Variants in FAM110B observed in about 807,000 individuals in gnomAD.
FAM110B encodes the protein family with sequence similarity 110 member B, also known as protein FAM110B.
In FAM110B, 6 loss-of-function variants were observed where a neutral mutation model predicts 20.4. The ratio of observed to expected loss-of-function variants is 0.29; its 90% CI spans 0.16 to 0.58. The LOEUF (loss-of-function observed/expected upper bound fraction) is 0.58. Among genes scored for constraint, FAM110B ranks in the 20% least tolerant of loss-of-function variants. The pLI is 0.90. For synonymous variants in FAM110B, 226 were observed against 214.1 expected (o/e 1.06, Z -0.49); for missense variants, 434 against 498.2 (o/e 0.87, Z 1.23).
In FAM110B at chr8:58,031,386, T is replaced by C. The variant is rs552105028; in HGVS notation, c.-511-220T>C. 6 of 152,322 alleles carry C rather than the reference T, an allele frequency of 3.9e-5. No homozygotes were observed. In the South Asian group the frequency reaches 1.0e-3, roughly 26 times the overall value. 9.4% of individuals were successfully genotyped at this position (152,322 alleles called of 1,614,324 possible). ...AGGCTCTCATTTAGTTTGTTTTCCA[T>C]TGAATACATGAAGTTGGCCTCATAC... On this transcript the variant is annotated intron_variant, in intron 1 of 3. Coordinates refer to ENST00000519262, the MANE Select transcript of FAM110B (RefSeq NM_001377989.1).
chr8:58,138,803 T>A (rs1426333813), intron 3 of FAM110B, among the ~76,000 whole-genome samples: 1 of 152,258 alleles, frequency 6.6e-6, no homozygotes, highest in Non-Finnish European at 1.5e-5. Flanking sequence ...TCAACACGCC[T>A]GTGTGAGTTT....
At chr8:58,125,774 G>C (rs1807485606) in intron 3 of FAM110B, among the ~76,000 whole-genome samples, 4 of 152,060 alleles carry the variant, frequency 2.6e-5, no homozygotes, top group Admixed American at 2.6e-4. Context: ...AATCATGATT[G>C]TTCCTTTATT....
At chr8:58,054,137 C>CTATT (rs560275052) in intron 2 of FAM110B, among the ~76,000 whole-genome samples, 196 of 152,274 alleles carry the variant, frequency 1.3e-3, no homozygotes, top group African/African-American at 4.1e-3. Flanking sequence ...AGATGACAGT[C>CTATT]TACACATCCA....
rs192825961 is a variant in FAM110B, at chr8:58,076,554, C to T, written c.-325+931C>T. The stretch of plus-strand genomic sequence containing the variant: ...GATGGAGAGCCTGGGAACATTTTTT[C>T]CAGGTCTCTTCCTACAGCCAGACCA... On this transcript the variant is annotated intron_variant, in intron 3 of 3. Transcript: ENST00000519262. Among the ~76,000 whole-genome samples, 427 of 152,282 alleles carry T rather than the reference C, an allele frequency of 2.8e-3. 1 individual carries two copies. The highest frequency in any genetic ancestry group is 9.7e-3 in the African/African-American group (403 of 41,558).
rs1195016492 is a variant in FAM110B, at chr8:58,055,800, TG to T, written c.-413-19734del. Among the ~76,000 whole-genome samples, 44 of 152,386 alleles carry T rather than the reference TG, an allele frequency of 2.9e-4. No homozygotes were observed. The East Asian group carries it at 4.2e-3, about 15-fold the overall frequency. On this transcript the variant is annotated intron_variant, in intron 2 of 3. Transcript: ENST00000519262. Reference sequence around the variant, plus strand: ...TGATCAGCATTGACACCTGTTCATGTGCTCTATGCAAGAAAGGATAAACACC... The same window carrying T: ...TGATCAGCATTGACACCTGTTCATGTCTCTATGCAAGAAAGGATAAACACC...
chr8:58,069,388 T>C (rs1805840834), intron 2 of FAM110B, among the ~76,000 whole-genome samples: 1 of 152,192 alleles, frequency 6.6e-6, no homozygotes, highest in South Asian at 2.1e-4. Context: ...GAAATGCAGT[T>C]ACTTGCCCAG....
At chr8:58,135,453 C>T (rs1803587919) in intron 3 of FAM110B, among the ~76,000 whole-genome samples, 1 of 152,184 alleles carries the variant, frequency 6.6e-6, no homozygotes, top group African/African-American at 2.4e-5. Context: ...ACCCAAAATA[C>T]TGCTTTTTCT....
At chr8:57,998,120 A>G (rs865924705) in intron 1 of FAM110B, among the ~76,000 whole-genome samples, 3 of 152,200 alleles carry the variant, frequency 2.0e-5, no homozygotes, top group Middle Eastern at 3.2e-3. Flanking sequence ...TTTGTGGTTA[A>G]CATTTGATTA....
chr8:58,047,964 C>G (rs1258970236), intron 2 of FAM110B, among the ~76,000 whole-genome samples: 1 of 152,048 alleles, frequency 6.6e-6, no homozygotes, highest in Non-Finnish European at 1.5e-5. Context: ...TCAACTTCTC[C>G]AGAAGAGTTA....
chr8:58,081,066 C>G (rs1195470736), intron 3 of FAM110B, among the ~76,000 whole-genome samples: 1 of 152,212 alleles, frequency 6.6e-6, no homozygotes, highest in Non-Finnish European at 1.5e-5. Context: ...TTGAGCCCTG[C>G]TGACTCCTCC....
intron 2 of FAM110B, among the ~76,000 whole-genome samples, chr8:58,075,273 T>TGTGTGTGTGTGTG (rs58047108): frequency 7.6e-5 from 11 of 145,066 alleles, no homozygotes; most frequent in African/African-American, 2.8e-4. Context: ...TTTTTTTTTT[T>TGTGTGTGTGTGTG]TTTGTGTGTG....
chr8:58,144,241 A>T (rs1803806103), intron 3 of FAM110B, among the ~76,000 whole-genome samples: 1 of 152,110 alleles, frequency 6.6e-6, no homozygotes, highest in African/African-American at 2.4e-5. Flanking sequence ...ATGACCTCGG[A>T]GTTGCATCCT....
chr8:58,048,394 A>T (rs1805373456), intron 2 of FAM110B, among the ~76,000 whole-genome samples: 1 of 151,898 alleles, frequency 6.6e-6, no homozygotes, highest in African/African-American at 2.4e-5. Flanking sequence ...CTGTGGGGGA[A>T]TTTCCCATTA....
chr8:58,014,661 T>G (rs1804603227), intron 1 of FAM110B, among the ~76,000 whole-genome samples: 1 of 152,224 alleles, frequency 6.6e-6, no homozygotes, highest in African/African-American at 2.4e-5. Flanking sequence ...AACTTCTGTT[T>G]AATAAGTCAC....
intron 3 of FAM110B, among the ~76,000 whole-genome samples, chr8:58,076,569 C>T (rs1313961636): frequency 1.3e-5 from 2 of 152,182 alleles, no homozygotes; most frequent in Non-Finnish European, 2.9e-5. Context: ...TCTCTTCCTA[C>T]AGCCAGACCA....
chr8:58,100,191 C>T (rs986883558), intron 3 of FAM110B, among the ~76,000 whole-genome samples: 2 of 151,196 alleles, frequency 1.3e-5, no homozygotes. Flanking sequence ...ATATATTTCA[C>T]AAACTACTAA....
intron 1 of FAM110B, among the ~76,000 whole-genome samples, chr8:57,996,432 G>A (rs951241848): frequency 6.6e-6 from 1 of 152,144 alleles, no homozygotes; most frequent in African/African-American, 2.4e-5. Context: ...TTTTAAGTCT[G>A]TGGTTTTAAT....
chr8:58,089,812 A>T (rs186745391), intron 3 of FAM110B, among the ~76,000 whole-genome samples: 95 of 152,384 alleles, frequency 6.2e-4, no homozygotes, highest in African/African-American at 2.2e-3. Context: ...GTAAAATGGC[A>T]TCAAAACTAT....
chr8:58,146,968 A>G lies in FAM110B; in HGVS notation c.738A>G (p.Pro246=). Residue 246 remains proline, a synonymous_variant, in exon 4 of 4, where the codon CCA becomes CCG. Transcript: ENST00000519262. ...CCCCCGAGGCCGACCCTGTGGAACC[A>G]GCTTGTGGAGTCAGCCGAAGACCCT... ...MKSPEADPVE[P]ACGVSRRPSL... 1 of 1,614,184 alleles carries G rather than the reference A, an allele frequency of 6.2e-7. No homozygotes were observed. The highest frequency in any genetic ancestry group is 8.5e-7 in the Non-Finnish European group (1 of 1,180,026).
Sources: allele counts gnomAD v4.1 joint callset (sites outside exome capture counted in the v4.1 genomes callset), GRCh38; gene constraint gnomAD v4.1.1; transcripts MANE v1.5; gene names NCBI Gene and HGNC (gene_info 2026-07-23, HGNC 2026-07-21).